The following ITGA9 variants were observed in gnomAD, a reference collection of about 807,000 sequenced individuals.
ITGA9 encodes integrin alpha-9.
In ITGA9, 56 loss-of-function variants were observed where a neutral mutation model predicts 127.8. The ratio of observed to expected loss-of-function variants is 0.44; its 90% confidence interval spans 0.35 to 0.55. The LOEUF (loss-of-function observed/expected upper bound fraction) is 0.55. Among genes scored for constraint, ITGA9 ranks in the 20% least tolerant of loss-of-function variants. The probability of loss-of-function intolerance (pLI) is 0.00; values close to 1 mark genes in which losing one functional copy is unlikely to be tolerated. For missense variants in ITGA9, 1,196 were observed against 1,347.1 expected, an observed-to-expected ratio of 0.89 and a Z score of 1.76; for synonymous variants, 508 against 514.5, an observed-to-expected ratio of 0.99 and a Z score of 0.17.
At position 37,600,788 on chromosome 3, in the gene ITGA9, C is replaced by T. The variant is rs565014168; in HGVS notation, c.1690-28399C>T. On this transcript the variant is annotated intron_variant, in intron 15 of 27. Coordinates refer to ENST00000264741, the MANE Select transcript of ITGA9 (RefSeq NM_002207.3). ...TCTGCCTACAACATCCTCCTCCCAT[C>T]GGTATGCACCCCTTCCTAGGAGCCC... Among the ~76,000 whole-genome samples, 8 of 152,300 alleles carry T rather than the reference C, an allele frequency of 5.3e-5. No homozygotes were observed. In the South Asian group the frequency reaches 1.5e-3, roughly 28 times the overall value.
chr3:37,494,577 C>G lies in ITGA9; in HGVS notation c.612+9C>G. Reference sequence around the variant, plus strand: ...CGGGCTTCTTCACCGAGGTGGGTGTCTGCTGTCTGGGCATTTCTGTTCTCT... The same window carrying G: ...CGGGCTTCTTCACCGAGGTGGGTGTGTGCTGTCTGGGCATTTCTGTTCTCT... On this transcript the variant is annotated intron_variant, in intron 5 of 27. Coordinates refer to ENST00000264741, the MANE Select transcript of ITGA9 (RefSeq NM_002207.3). The G allele has an allele frequency of 1.2e-6, 2 of 1,611,334 alleles. No homozygotes were observed. The highest frequency in any genetic ancestry group is 1.7e-6 in the Non-Finnish European group (2 of 1,177,552).
chr3:37,795,907 A>C (rs1697167104), intron 26 of ITGA9, among the ~76,000 whole-genome samples: 1 of 152,088 alleles, frequency 6.6e-6, no homozygotes, highest in Admixed American at 6.5e-5. Flanking sequence ...ACCTAGATTC[A>C]TTTTGCAGTG....
intron 18 of ITGA9, among the ~76,000 whole-genome samples, chr3:37,699,424 TACACC>T (rs1306575550): frequency 1.3e-5 from 2 of 152,204 alleles, no homozygotes; most frequent in Non-Finnish European, 2.9e-5. Flanking sequence ...TTTTCTCTCA[TACACC>T]ACATCTATTT....
In ITGA9 at chr3:37,784,937, T is replaced by C. The variant is rs755668432; in HGVS notation, c.2788-40T>C. ...CCCTCTCAAGGCCCAGCCATTATCA[T>C]AGAAAAATCTTCAAGTAAGTTGTGT... On this transcript the variant is annotated intron_variant, in intron 25 of 27. Coordinates refer to ENST00000264741, the MANE Select transcript of ITGA9 (RefSeq NM_002207.3). 30 of 1,523,512 alleles carry C rather than the reference T, an allele frequency of 2.0e-5. 1 individual carries two copies. The South Asian group carries it at 2.4e-4, about 12-fold the overall frequency. 94.4% of individuals were successfully genotyped at this position (1,523,512 alleles called of 1,614,324 possible). A position where few individuals can be genotyped will look rare whatever the true frequency, so the allele number is the denominator to read the frequency against.
intron 15 of ITGA9, among the ~76,000 whole-genome samples, chr3:37,584,520 GC>G (rs1699738613): frequency 1.3e-5 from 2 of 152,122 alleles, no homozygotes; most frequent in South Asian, 4.1e-4. Context: ...ACTTTGGGAG[GC>G]CAAGGCAGGT....
intron 18 of ITGA9, among the ~76,000 whole-genome samples, chr3:37,718,664 A>G (rs1701158879): frequency 6.6e-6 from 1 of 152,260 alleles, no homozygotes; most frequent in Non-Finnish European, 1.5e-5. Flanking sequence ...TGCAATCTGC[A>G]TCTTTAACAA....
At chr3:37,708,076 C>T (rs539238096) in intron 18 of ITGA9, among the ~76,000 whole-genome samples, 60 of 152,334 alleles carry the variant, frequency 3.9e-4, no homozygotes, top group African/African-American at 1.3e-3. Flanking sequence ...TCTATTTGCT[C>T]ATAACTCTAG....
At position 37,785,652 on chromosome 3, in the gene ITGA9, A is replaced by T. The variant is rs892994318; in HGVS notation, c.2889+574A>T. ...ATGCCTAATTTTTAAATTTTTTAAA[A>T]TTTTTTTGTCGGGATAGGGTTCCAC... On this transcript the variant is annotated intron_variant, in intron 26 of 27. Transcript: ENST00000264741. Among the ~76,000 whole-genome samples, 9 of 151,964 alleles carry T rather than the reference A, an allele frequency of 5.9e-5. No homozygotes were observed. The South Asian group carries it at 1.0e-3, about 18-fold the overall frequency.
intron 27 of ITGA9, 29 bp downstream of exon 27, chr3:37,803,971 G>C: frequency 6.2e-7 from 1 of 1,613,848 alleles, no homozygotes; most frequent in Non-Finnish European, 8.5e-7. Context: ...GGTCCCCCTG[G>C]GGTCCCCACT....
chr3:37,732,617 G>A (rs563367768), intron 18 of ITGA9, 95 bp from the exon 19 acceptor site: 3 of 894,118 alleles, frequency 3.4e-6, no homozygotes, highest in East Asian at 2.6e-5. Context: ...TACCGTCTGA[G>A]CACTGCTCTG....
intron 4 of ITGA9, among the ~76,000 whole-genome samples, chr3:37,485,580 A>G (rs986466387): frequency 2.0e-5 from 3 of 152,158 alleles, no homozygotes; most frequent in African/African-American, 4.8e-5. Context: ...CTGTGGCCTC[A>G]TGGTAAGTCT....
At chr3:37,560,418 G>T (rs1699475686) in intron 15 of ITGA9, among the ~76,000 whole-genome samples, 1 of 152,198 alleles carries the variant, frequency 6.6e-6, no homozygotes, top group South Asian at 2.1e-4. Context: ...ACATATGTGT[G>T]CATGTGTCTT....
intron 18 of ITGA9, among the ~76,000 whole-genome samples, chr3:37,698,818 C>T (rs1047350188): frequency 6.6e-6 from 1 of 152,126 alleles, no homozygotes; most frequent in African/African-American, 2.4e-5. Context: ...TTGAGTTGGT[C>T]CCCATCCTTG....
intron 18 of ITGA9, among the ~76,000 whole-genome samples, chr3:37,719,966 C>T (rs1298811546): frequency 6.6e-6 from 1 of 152,188 alleles, no homozygotes; most frequent in African/African-American, 2.4e-5. Context: ...CAGAGGGCAT[C>T]ATGAGGAAGG....
intron 18 of ITGA9, among the ~76,000 whole-genome samples, chr3:37,693,947 C>G (rs1700857775): frequency 6.6e-6 from 1 of 152,166 alleles, no homozygotes. Context: ...GTCATCTTGG[C>G]CTGGCCATTA....
chr3:37,626,132 G>A (rs1700174052), intron 15 of ITGA9, among the ~76,000 whole-genome samples: 1 of 152,106 alleles, frequency 6.6e-6, no homozygotes, highest in Non-Finnish European at 1.5e-5. Flanking sequence ...TTAATTATTT[G>A]TCACTTATTC....
chr3:37,454,033 T>C (rs1698231594), intron 1 of ITGA9, among the ~76,000 whole-genome samples: 1 of 152,088 alleles, frequency 6.6e-6, no homozygotes, highest in African/African-American at 2.4e-5. Flanking sequence ...GGGTCTGAGG[T>C]TGAAGAACAC....
intron 1 of ITGA9, among the ~76,000 whole-genome samples, chr3:37,469,215 G>C (rs1171432938): frequency 6.6e-6 from 1 of 152,290 alleles, no homozygotes; most frequent in African/African-American, 2.4e-5. Flanking sequence ...GCTGGGGATG[G>C]CCCACCCTAG....
chr3:37,687,124 CA>C (rs1396810725), intron 18 of ITGA9, among the ~76,000 whole-genome samples: 2 of 150,670 alleles, frequency 1.3e-5, no homozygotes, highest in South Asian at 2.1e-4. Context: ...TGATGAAAGT[CA>C]AAAAAAATGA....
Sources: gnomAD v4.1 joint callset for allele counts (sites outside exome capture counted in the v4.1 genomes callset) on GRCh38, gnomAD v4.1.1 for gene constraint, MANE v1.5 for transcripts, NCBI Gene and HGNC (gene_info 2026-07-23, HGNC 2026-07-21) for gene names.